GALNT13: variants seen among roughly 807,000 people sequenced by gnomAD.
GALNT13 encodes UDP-GalNAc:polypeptide N-acetylgalactosaminyltransferase 13.
A neutral mutation model predicts 64.2 loss-of-function variants in GALNT13; 28 were observed. The observed-to-expected ratio is 0.44, with a 90% CI of 0.32 to 0.60. The LOEUF (loss-of-function observed/expected upper bound fraction) is 0.60. Among genes scored for constraint, GALNT13 ranks in the 20% least tolerant of loss-of-function variants. The pLI, the probability that GALNT13 is intolerant of heterozygous loss-of-function variation, is 0.05. For missense variants in GALNT13, 577 were observed against 669.8 expected (o/e 0.86, Z 1.53); for synonymous variants, 214 against 224.6 (o/e 0.95, Z 0.42).
the GALNT13 span, among the ~76,000 whole-genome samples, chr2:153,352,352 T>A: frequency 6.6e-6 from 1 of 152,158 alleles, no homozygotes. Context: ...ATATTTTGGA[T>A]AACACTTCTT....
the GALNT13 span, among the ~76,000 whole-genome samples, chr2:153,711,787 T>A: frequency 6.6e-6 from 1 of 152,160 alleles, no homozygotes. Flanking sequence ...ATCCCCTCTA[T>A]TATCAGTTGT....
chr2:154,288,043 T>TG (rs1372108586), intron 8 of GALNT13, among the ~76,000 whole-genome samples: 1 of 152,074 alleles, frequency 6.6e-6, no homozygotes, highest in African/African-American at 2.4e-5. Flanking sequence ...TACCCAAGAC[T>TG]GGGTAATTTA....
intron 11 of GALNT13, among the ~76,000 whole-genome samples, chr2:154,433,646 G>T (rs557745515): frequency 6.6e-6 from 1 of 151,776 alleles, no homozygotes; most frequent in Non-Finnish European, 1.5e-5. Context: ...GTGAAGAAGG[G>T]GGAATTATTT....
the GALNT13 span, among the ~76,000 whole-genome samples, chr2:153,169,149 A>T: frequency 6.6e-6 from 1 of 152,210 alleles, no homozygotes; most frequent in Non-Finnish European, 1.5e-5. Flanking sequence ...TATGCACCAT[A>T]CCTATTTGTC....
At chr2:153,423,874 G>T in the GALNT13 span, among the ~76,000 whole-genome samples, 2 of 150,974 alleles carry the variant, frequency 1.3e-5, no homozygotes, top group African/African-American at 2.4e-5. Flanking sequence ...AAAACCCCAA[G>T]ATTTTATCAT....
the GALNT13 span, among the ~76,000 whole-genome samples, chr2:153,799,570 T>C: frequency 6.6e-6 from 1 of 152,156 alleles, no homozygotes; most frequent in Admixed American, 6.6e-5. Flanking sequence ...TAGGTGTCCA[T>C]TGCTTCCTAT....
intron 9 of GALNT13, among the ~76,000 whole-genome samples, chr2:154,363,543 G>T (rs1697196642): frequency 6.6e-6 from 1 of 152,048 alleles, no homozygotes; most frequent in South Asian, 2.1e-4. Flanking sequence ...CCATTATGGT[G>T]ATGAAAGAAA....
the GALNT13 span, among the ~76,000 whole-genome samples, chr2:153,434,516 A>G: frequency 5.9e-5 from 9 of 152,162 alleles, no homozygotes; most frequent in South Asian, 2.1e-4. Context: ...TTTAATGATC[A>G]CCATTCTAAC....
the GALNT13 span, among the ~76,000 whole-genome samples, chr2:153,553,882 G>A: frequency 6.6e-6 from 1 of 152,060 alleles, no homozygotes; most frequent in East Asian, 1.9e-4. Flanking sequence ...TGCGGAGGAT[G>A]GACTGCAAAT....
At chr2:153,702,483 A>T in the GALNT13 span, among the ~76,000 whole-genome samples, 1 of 152,078 alleles carries the variant, frequency 6.6e-6, no homozygotes, top group African/African-American at 2.4e-5. Context: ...AATAAATAAA[A>T]AATAAGAGCT....
chr2:154,297,673 GC>G (rs1693005763), intron 8 of GALNT13, among the ~76,000 whole-genome samples: 1 of 152,098 alleles, frequency 6.6e-6, no homozygotes, highest in African/African-American at 2.4e-5. Context: ...GGCAGCGCAA[GC>G]AAACGAAAAC....
At chr2:154,200,927 A>G (rs969679661) in intron 4 of GALNT13, among the ~76,000 whole-genome samples, 13 of 152,164 alleles carry the variant, frequency 8.5e-5, no homozygotes, top group African/African-American at 2.9e-4. Flanking sequence ...TAGAAAATGT[A>G]TATCTTATAT....
At chr2:153,610,136 A>G in the GALNT13 span, among the ~76,000 whole-genome samples, 154 of 152,314 alleles carry the variant, frequency 1.0e-3, 2 homozygotes, top group African/African-American at 3.2e-3. Context: ...AACAGCCATT[A>G]CCAAAGTTGG....
chr2:154,197,427 T>C (rs1686938516), intron 4 of GALNT13, among the ~76,000 whole-genome samples: 1 of 152,112 alleles, frequency 6.6e-6, no homozygotes, highest in Non-Finnish European at 1.5e-5. Context: ...AAGGATGGAC[T>C]TTTCAATCAA....
chr2:153,239,314 G>A, the GALNT13 span, among the ~76,000 whole-genome samples: 1 of 151,740 alleles, frequency 6.6e-6, no homozygotes, highest in African/African-American at 2.4e-5. Context: ...TTTCCAATTT[G>A]GACGTGCTTT....
At chr2:153,259,244 C>T in the GALNT13 span, among the ~76,000 whole-genome samples, 1 of 152,090 alleles carries the variant, frequency 6.6e-6, no homozygotes, top group Non-Finnish European at 1.5e-5. Context: ...TATAGCTTCT[C>T]TGGCTCTTTT....
chr2:153,235,818 T>A, the GALNT13 span, among the ~76,000 whole-genome samples: 1 of 152,058 alleles, frequency 6.6e-6, no homozygotes, highest in East Asian at 1.9e-4. Context: ...AGTACTCAAG[T>A]AAAAGGAAGA....
chr2:153,958,135 TATAGGCTGAGGCTAGTTGG>T (rs1172151147), intron 3 of GALNT13, among the ~76,000 whole-genome samples: 1 of 152,020 alleles, frequency 6.6e-6, no homozygotes, highest in Non-Finnish European at 1.5e-5. Flanking sequence ...CAGCAAGGGG[TATAGGCTGAGGCTAGTTGG>T]ATAAGGATGA....
At chr2:153,194,473 T>C in the GALNT13 span, among the ~76,000 whole-genome samples, 4 of 152,302 alleles carry the variant, frequency 2.6e-5, no homozygotes, top group Non-Finnish European at 4.4e-5. Context: ...TTCTCTTTTA[T>C]ATCCTGAATT....
Sources: gnomAD v4.1 joint callset for allele counts (sites outside exome capture counted in the v4.1 genomes callset) on GRCh38, gnomAD v4.1.1 for gene constraint, MANE v1.5 for transcripts, NCBI Gene and HGNC (gene_info 2026-07-23, HGNC 2026-07-21) for gene names.